NPAS3: variants seen among roughly 807,000 people sequenced by gnomAD.
NPAS3 encodes neuronal PAS domain protein 3.
NPAS3 carries 14 observed loss-of-function variants against 73.1 expected under a neutral mutation model. That is an observed-to-expected ratio of 0.19 (90% confidence interval 0.13 to 0.30). NPAS3 has a LOEUF of 0.30. Ranked by LOEUF, NPAS3 falls within the 10% of genes least tolerant of loss-of-function variation. The pLI is 1.00. For missense variants in NPAS3, 1,096 were observed against 1,250.0 expected (o/e 0.88, Z 1.86); for synonymous variants, 620 against 541.5 (o/e 1.14, Z -2.01).
intron 2 of NPAS3, among the ~76,000 whole-genome samples, chr14:33,109,381 A>G (rs1566569028): frequency 2.0e-5 from 3 of 152,260 alleles, no homozygotes; most frequent in Admixed American, 6.5e-5. Context: ...AATTTATGTT[A>G]TGTGTATAAC....
In NPAS3 at chr14:32,963,413, A is replaced by G. The variant is rs576057264; in HGVS notation, c.50+24047A>G. On this transcript the variant is annotated intron_variant, in intron 1 of 11. Transcript: ENST00000356141. ...CAAATCATGGGGGAAAAAAGAAGGG[A>G]AAAACTTTGAAACTGGGTTCTCCAG... Among the ~76,000 whole-genome samples, 49 of 152,340 alleles carry G rather than the reference A, an allele frequency of 3.2e-4. 1 individual carries two copies. In the South Asian group the frequency reaches 0.01, roughly 32 times the overall value.
At chr14:33,709,017 C>A (rs908393067) in intron 6 of NPAS3, among the ~76,000 whole-genome samples, 17 of 152,188 alleles carry the variant, frequency 1.1e-4, no homozygotes, top group African/African-American at 4.1e-4. Context: ...GAGATTGGAT[C>A]TATTACTGAT....
At chr14:33,205,410 A>T (rs924355948) in intron 2 of NPAS3, among the ~76,000 whole-genome samples, 3 of 152,162 alleles carry the variant, frequency 2.0e-5, no homozygotes, top group African/African-American at 7.2e-5. Context: ...AAGGTTTTCT[A>T]TAAGTTAGCA....
intron 4 of NPAS3, among the ~76,000 whole-genome samples, chr14:33,541,373 A>G (rs140923264): frequency 1.3e-4 from 20 of 152,290 alleles, no homozygotes; most frequent in African/African-American, 4.8e-4. Flanking sequence ...TTTCCCACAC[A>G]CTGTGTTCAC....
chr14:33,661,273 T>C (rs887479371), intron 5 of NPAS3, among the ~76,000 whole-genome samples: 1 of 152,168 alleles, frequency 6.6e-6, no homozygotes, highest in Non-Finnish European at 1.5e-5. Context: ...CTGGGTTTTA[T>C]GGTTGGAGAA....
chr14:33,680,560 A>G, intron 6 of NPAS3: 1 of 700,294 alleles, frequency 1.4e-6, no homozygotes. Context: ...TAGCTTTTTC[A>G]TTTTCATGTT....
At chr14:33,148,540 C>T (rs1341606649) in intron 2 of NPAS3, among the ~76,000 whole-genome samples, 1 of 152,042 alleles carries the variant, frequency 6.6e-6, no homozygotes, top group Non-Finnish European at 1.5e-5. Flanking sequence ...AAAAGTTTTG[C>T]ATTCTTAATT....
At position 33,800,596 on chromosome 14, in the gene NPAS3, C is replaced by T. The variant is rs1207310405; in HGVS notation, c.2289C>T (p.Gly763=). Residue 763 remains glycine, a synonymous_variant, in exon 12 of 12, where the codon GGC becomes GGT. Coordinates refer to ENST00000356141, the Ensembl canonical transcript of NPAS3. The surrounding 1 kb of genome is among the most constrained non-coding windows in gnomAD (Gnocchi z 6.5). ...CGCGGGACAAGCACCCCGGGAACGGCGGCGGGGGCGGGGGCGGGGGCGGCG... is the reference window on the plus strand; with the variant it reads ...CGCGGGACAAGCACCCCGGGAACGGTGGCGGGGGCGGGGGCGGGGGCGGCG... 9.2e-6 allele frequency: 12 copies of T among 1,299,998 alleles called. No individual in the cohort carries two copies. Among genetic ancestry groups the T allele is most frequent in the Admixed American group, 4.3e-5 (1 of 23,484 alleles). 80.5% of individuals were successfully genotyped at this position (1,299,998 alleles called of 1,614,324 possible). A position where few individuals can be genotyped will look rare whatever the true frequency, so the allele number is the denominator to read the frequency against.
rs192251433 is a variant in NPAS3 at position 33,359,162 on chromosome 14, C to A, written c.386-8024C>A. Among the ~76,000 whole-genome samples the A allele has an allele frequency of 5.3e-5, 8 of 152,256 alleles. No individual in the cohort carries two copies. In the East Asian group the frequency reaches 1.5e-3, roughly 29 times the overall value. On this transcript the variant is annotated intron_variant, in intron 3 of 11. Transcript: ENST00000356141. ...ATGACTGAATATATGAATGGAGGAACAGGAGAGAGAAGAGGGAAAAGGCAA... is the reference window on the plus strand; with the variant it reads ...ATGACTGAATATATGAATGGAGGAAAAGGAGAGAGAAGAGGGAAAAGGCAA...
At chr14:33,485,967 C>T (rs1327626497) in intron 4 of NPAS3, among the ~76,000 whole-genome samples, 1 of 151,990 alleles carries the variant, frequency 6.6e-6, no homozygotes, top group Admixed American at 6.6e-5. Context: ...CGCCTGCACT[C>T]CCCAGGTTCT....
At chr14:33,615,621 T>G (rs1312444769) in intron 5 of NPAS3, among the ~76,000 whole-genome samples, 1 of 152,188 alleles carries the variant, frequency 6.6e-6, no homozygotes, top group African/African-American at 2.4e-5. Flanking sequence ...ACTTATCAGT[T>G]TGTTACAGAT....
intron 2 of NPAS3, among the ~76,000 whole-genome samples, chr14:33,186,873 G>C (rs1002178283): frequency 6.6e-6 from 1 of 152,084 alleles, no homozygotes; most frequent in Non-Finnish European, 1.5e-5. Flanking sequence ...AGCCATTTTT[G>C]GCTGCTACAA....
intron 2 of NPAS3, among the ~76,000 whole-genome samples, chr14:33,195,499 C>G (rs1228238162): frequency 1.3e-5 from 2 of 152,194 alleles, no homozygotes; most frequent in East Asian, 3.9e-4. Context: ...GAACTCCTGA[C>G]CTTGTGATCC....
chr14:33,396,247 A>C (rs895323603), intron 4 of NPAS3, among the ~76,000 whole-genome samples: 1 of 152,186 alleles, frequency 6.6e-6, no homozygotes, highest in African/African-American at 2.4e-5. Flanking sequence ...TGCTGAATCA[A>C]GTACAAGATG....
intron 1 of NPAS3, among the ~76,000 whole-genome samples, chr14:33,023,654 A>G (rs938164083): frequency 2.6e-5 from 4 of 152,230 alleles, no homozygotes; most frequent in Non-Finnish European, 4.4e-5. Flanking sequence ...ATTAGACATT[A>G]AAATCCTTTA....
At chr14:33,783,507 C>G (rs920953007) in intron 9 of NPAS3, among the ~76,000 whole-genome samples, 8 of 145,012 alleles carry the variant, frequency 5.5e-5, no homozygotes, top group East Asian at 2.0e-4. Flanking sequence ...GGCCATTAAC[C>G]GAAAAAACCG....
chr14:33,749,219 C>G (rs2061889549), intron 7 of NPAS3, among the ~76,000 whole-genome samples: 1 of 152,180 alleles, frequency 6.6e-6, no homozygotes, highest in African/African-American at 2.4e-5. Context: ...TTCTTTTCCT[C>G]ACTAACTTTA....
At chr14:33,673,272 C>G (rs991303006) in intron 5 of NPAS3, among the ~76,000 whole-genome samples, 5 of 152,310 alleles carry the variant, frequency 3.3e-5, no homozygotes, top group Middle Eastern at 3.4e-3. Context: ...GGGCTCTGAA[C>G]CAAATTCTGT....
upstream of NPAS3, chr14:32,934,923 C>G (rs921060826): frequency 4.7e-6 from 5 of 1,064,210 alleles, no homozygotes; most frequent in Non-Finnish European, 5.7e-6. This position sits in a 1 kb window ranked among gnomAD's most constrained non-coding sequence, Gnocchi z 4.1. Flanking sequence ...GGGTGCCGGC[C>G]GGCGCGGGCA....
Sources: gnomAD v4.1 joint callset for allele counts (sites outside exome capture counted in the v4.1 genomes callset) on GRCh38, gnomAD v4.1.1 for gene constraint, Gnocchi (gnomAD v3.1) non-coding constraint, MANE v1.5 for transcripts, NCBI Gene and HGNC (gene_info 2026-07-23, HGNC 2026-07-21) for gene names.